The following CXCR5 variants were observed in gnomAD, a reference collection of about 807,000 sequenced individuals.
CXCR5 encodes C-X-C chemokine receptor type 5.
A neutral mutation model predicts 5.6 loss-of-function variants in CXCR5; 3 were observed. The observed-to-expected ratio is 0.54, with a 90% confidence interval of 0.24 to 1.39. The LOEUF is 1.39. Among genes scored for constraint, CXCR5 ranks in the 40% most tolerant of loss-of-function variants. The pLI is 0.16. For synonymous variants in CXCR5, 218 were observed against 219.9 expected, an observed-to-expected ratio of 0.99 and a Z score of 0.08; for missense variants, 333 against 494.6, an observed-to-expected ratio of 0.67 and a Z score of 3.10.
At position 118,893,439 on chromosome 11, in the gene CXCR5, GA is replaced by G. The variant is rs1312687660; in HGVS notation, c.52-153del. ...TTTGACAGGCGAAAAACTGAAGTTG[GA>G]AAAGACAAAGTGATTTGTTCAAAAT... On this transcript the variant is annotated intron_variant, in intron 1 of 1. Transcript: ENST00000292174. This position sits in a 1 kb window ranked among gnomAD's most constrained non-coding sequence, Gnocchi z 5.7. The G allele has an allele frequency of 1.0e-6, 1 of 985,310 alleles. No individual in the cohort carries two copies. Among genetic ancestry groups the G allele is most frequent in the Non-Finnish European group, 1.2e-6 (1 of 829,948 alleles). The allele number at this position is 985,310 out of a possible 1,614,324, so 61.0% of individuals were successfully genotyped here.
rs775130399 is a variant in CXCR5, at chr11:118,894,316, G to A, written c.772G>A (p.Val258Ile). 7.4e-6 allele frequency: 12 copies of A among 1,614,176 alleles called. No homozygotes were observed. The highest frequency in any genetic ancestry group is 1.3e-5 in the African/African-American group (1 of 75,062). Reference sequence around the variant, plus strand: ...GCGGCGCCCTCAGCGGCAGAAGGCAGTCAGGGTGGCCATCCTGGTGACAAG... The same window carrying A: ...GCGGCGCCCTCAGCGGCAGAAGGCAATCAGGGTGGCCATCCTGGTGACAAG... ...AQRRPQRQKA[V>I]RVAILVTSIF... The change falls in exon 2 of 2, where the codon GTC becomes ATC. Residue 258 changes from valine (V) to isoleucine (I), a missense_variant. Physicochemically the swap from Val to Ile is conservative, Grantham distance 29. Transcript: ENST00000292174. The surrounding 1 kb of genome is among the most constrained non-coding windows in gnomAD (Gnocchi z 6.1).
chr11:118,884,459 T>C (rs369519419), intron 1 of CXCR5, among the ~76,000 whole-genome samples: 1 of 152,122 alleles, frequency 6.6e-6, no homozygotes, highest in African/African-American at 2.4e-5. Flanking sequence ...ACATTCTGTG[T>C]TGGGTGGAGA....
chr11:118,892,690 G>A (rs1939832047), intron 1 of CXCR5, among the ~76,000 whole-genome samples: 1 of 151,798 alleles, frequency 6.6e-6, no homozygotes, highest in African/African-American at 2.4e-5. Flanking sequence ...ATGGGGAGAG[G>A]AAGAGGAGGA....
In CXCR5 at chr11:118,894,078, C is replaced by A. The variant is rs749530988; in HGVS notation, c.534C>A (p.Phe178Leu). The A allele has an allele frequency of 4.3e-6, 7 of 1,613,888 alleles. No homozygotes were observed. In the African/African-American group the frequency reaches 9.3e-5, roughly 22 times the overall value. The stretch of plus-strand genomic sequence containing the variant: ...GTGGGACCATCTGGCTGGTGGGCTT[C>A]CTCCTTGCCTTGCCAGAGATTCTCT... ...ITCGTIWLVG[F>L]LLALPEILFA... Residue 178 changes from phenylalanine to leucine, a missense_variant, in exon 2 of 2, where the codon TTC becomes TTA. By Grantham distance (22) the Phe-to-Leu change is conservative. Coordinates refer to ENST00000292174, the MANE Select transcript of CXCR5 (RefSeq NM_001716.5). The surrounding 1 kb of genome is among the most constrained non-coding windows in gnomAD (Gnocchi z 6.1).
intron 1 of CXCR5, among the ~76,000 whole-genome samples, chr11:118,890,474 T>C (rs529000694): frequency 2.0e-5 from 3 of 151,620 alleles, no homozygotes; most frequent in South Asian, 4.2e-4. Flanking sequence ...TGTCTGAAGA[T>C]GGGATTGAAT....
rs753814058 is a variant in CXCR5, at chr11:118,894,183, T to C, written c.639T>C (p.His213=). 3 of 1,613,942 alleles carry C rather than the reference T, an allele frequency of 1.9e-6. No homozygotes were observed. The highest frequency in any genetic ancestry group is 1.3e-5 in the African/African-American group (1 of 74,908). Residue 213 remains histidine, a synonymous_variant, in exon 2 of 2, where the codon CAT becomes CAC. Coordinates refer to ENST00000292174, the MANE Select transcript of CXCR5 (RefSeq NM_001716.5). This position sits in a 1 kb window ranked among gnomAD's most constrained non-coding sequence, Gnocchi z 6.1. The stretch of plus-strand genomic sequence containing the variant: ...CCCAAGAGAACCAAGCAGAAACGCA[T>C]GCCTGGTTCACCTCCCGATTCCTCT... ...TFSQENQAET[H]AWFTSRFLYH...
At chr11:118,887,398 A>T (rs572933671) in intron 1 of CXCR5, 1 of 985,492 alleles carries the variant, frequency 1.0e-6, no homozygotes, top group South Asian at 4.7e-5. Context: ...CTCTGTATCC[A>T]AAGGGCAAAG....
intron 1 of CXCR5, among the ~76,000 whole-genome samples, chr11:118,885,380 T>C (rs1319427604): frequency 1.3e-5 from 2 of 152,174 alleles, no homozygotes; most frequent in African/African-American, 4.8e-5. Context: ...CTAAACCTCG[T>C]GGGGGGTCCT....
intron 1 of CXCR5, among the ~76,000 whole-genome samples, chr11:118,891,244 C>T (rs963720972): frequency 1.3e-5 from 2 of 152,088 alleles, no homozygotes; most frequent in African/African-American, 4.8e-5. Flanking sequence ...TTCAAGCAAT[C>T]CTCCCACCTA....
rs138967896 is a variant in CXCR5 at position 118,893,670 on chromosome 11, G to A, written c.126G>A (p.Glu42=). 9 of 1,613,606 alleles carry A rather than the reference G, an allele frequency of 5.6e-6. No homozygotes were observed. Among genetic ancestry groups the A allele is most frequent in the Admixed American group, 1.7e-5 (1 of 60,010 alleles). ...AAAATCATCTCTGCCCTGCCACAGA[G>A]GGGCCCCTCATGGCCTCCTTCAAGG... ...LVENHLCPAT[E]GPLMASFKAV... Residue 42 remains glutamate (E), a synonymous_variant, in exon 2 of 2, where the codon GAG becomes GAA. Coordinates refer to ENST00000292174, the MANE Select transcript of CXCR5 (RefSeq NM_001716.5). This position sits in a 1 kb window ranked among gnomAD's most constrained non-coding sequence, Gnocchi z 5.7.
chr11:118,889,854 G>A (rs547141146), intron 1 of CXCR5, among the ~76,000 whole-genome samples: 1 of 152,290 alleles, frequency 6.6e-6, no homozygotes, highest in African/African-American at 2.4e-5. Flanking sequence ...GACTTTAGAT[G>A]AGCAATAACT....
rs1401239003 is a variant in CXCR5 at position 118,895,923 on chromosome 11, G to A, written c.*1260G>A. ...CCTCCCCAGCCTTTGATCAGGTGGG[G>A]AGTCAGGGACCCCTGCCCTTGTCCC... On this transcript the variant is annotated 3_prime_UTR_variant, in exon 2 of 2. Transcript: ENST00000292174. This position sits in a 1 kb window ranked among gnomAD's most constrained non-coding sequence, Gnocchi z 4.2. 1 of 167,012 alleles carries A rather than the reference G, an allele frequency of 6.0e-6. No individual in the cohort carries two copies. The highest frequency in any genetic ancestry group is 2.4e-5 in the African/African-American group (1 of 41,448). 10.3% of individuals were successfully genotyped at this position (167,012 alleles called of 1,614,324 possible).
rs1469699826 is a variant in CXCR5, at chr11:118,894,197, C to T, written c.653C>T (p.Ser218Phe). The T allele has an allele frequency of 1.2e-6, 2 of 1,614,004 alleles. No homozygotes were observed. Among genetic ancestry groups the T allele is most frequent in the African/African-American group, 1.3e-5 (1 of 74,916 alleles). ...NQAETHAWFT[S>F]RFLYHVAGFL... ...GCAGAAACGCATGCCTGGTTCACCTCCCGATTCCTCTACCATGTGGCGGGA... is the reference window on the plus strand; with the variant it reads ...GCAGAAACGCATGCCTGGTTCACCTTCCGATTCCTCTACCATGTGGCGGGA... Residue 218 changes from serine to phenylalanine, a missense_variant, in exon 2 of 2, where the codon TCC becomes TTC. Ser to Phe is a radical substitution (Grantham distance 155, BLOSUM62 -2). Coordinates refer to ENST00000292174, the MANE Select transcript of CXCR5 (RefSeq NM_001716.5). The surrounding 1 kb of genome is among the most constrained non-coding windows in gnomAD (Gnocchi z 6.1).
At position 118,897,683 on chromosome 11, in the gene CXCR5, G is replaced by A. The variant is rs1461173842; in HGVS notation, c.*3020G>A. 4 of 425,086 alleles carry A rather than the reference G, an allele frequency of 9.4e-6. No individual in the cohort carries two copies. Among genetic ancestry groups the A allele is most frequent in the South Asian group, 1.7e-5 (1 of 58,998 alleles). 26.3% of individuals were successfully genotyped at this position (425,086 alleles called of 1,614,324 possible). On this transcript the variant is annotated 3_prime_UTR_variant, in exon 2 of 2. Transcript: ENST00000292174. ...ACTGCAAACAGTGGGTGGCCATGTA[G>A]GGCTGCATGTCCCTGGGTCCAGGGG...
intron 1 of CXCR5, chr11:118,887,374 C>T (rs1452121468): frequency 1.0e-6 from 1 of 985,296 alleles, no homozygotes; most frequent in Non-Finnish European, 1.2e-6. Context: ...CTGCCTGCAT[C>T]TTGGACTGTG....
intron 1 of CXCR5, among the ~76,000 whole-genome samples, chr11:118,892,171 T>C (rs1939820757): frequency 6.6e-6 from 1 of 152,116 alleles, no homozygotes; most frequent in Admixed American, 6.6e-5. Flanking sequence ...GGCAGATGGC[T>C]CTACCCTTGC....
In CXCR5 at chr11:118,894,909, G is replaced by C. The variant is rs942192053; in HGVS notation, c.*246G>C. 6.9e-6 allele frequency: 3 copies of C among 436,674 alleles called. No individual in the cohort carries two copies. The highest frequency in any genetic ancestry group is 3.4e-5 in the East Asian group (1 of 29,450). 27.0% of individuals were successfully genotyped at this position (436,674 alleles called of 1,614,324 possible). A position where few individuals can be genotyped will look rare whatever the true frequency, so the allele number is the denominator to read the frequency against. ...GCAGCTCAAAGGCACAGTGAAGGCT[G>C]TCCTTACCCATCTGCACCCCCCTGG... On this transcript the variant is annotated 3_prime_UTR_variant, in exon 2 of 2. Transcript: ENST00000292174. This position sits in a 1 kb window ranked among gnomAD's most constrained non-coding sequence, Gnocchi z 6.1.
chr11:118,889,421 CTCACGCAAATGG>C (rs368432453), intron 1 of CXCR5, among the ~76,000 whole-genome samples: 8 of 152,368 alleles, frequency 5.3e-5, no homozygotes, highest in African/African-American at 1.7e-4. Context: ...GGGCACACCG[CTCACGCAAATGG>C]TCTGCCCTGT....
chr11:118,889,998 C>A (rs1939783015), intron 1 of CXCR5, among the ~76,000 whole-genome samples: 1 of 152,192 alleles, frequency 6.6e-6, no homozygotes, highest in South Asian at 2.1e-4. Context: ...TGGAGTCCAG[C>A]CCTGCTGACC....
Sources: gnomAD v4.1 joint callset for allele counts (sites outside exome capture counted in the v4.1 genomes callset) on GRCh38, gnomAD v4.1.1 for gene constraint, Gnocchi (gnomAD v3.1) non-coding constraint, MANE v1.5 for transcripts, NCBI Gene and HGNC (gene_info 2026-07-23, HGNC 2026-07-21) for gene names.